The following CMIP variants were observed in gnomAD, a reference collection of about 807,000 sequenced individuals.
CMIP encodes the protein c-Maf inducing protein, also known as C-Maf-inducing protein.
A neutral mutation model predicts 97.3 loss-of-function variants in CMIP; 13 were observed. The ratio of observed to expected loss-of-function variants is 0.13; its 90% CI spans 0.09 to 0.21. The LOEUF is 0.21. CMIP is among the 10% of genes least tolerant of loss of function. The pLI is 1.00. For synonymous variants in CMIP, 538 were observed against 436.3 expected (o/e 1.23, Z -2.91); for missense variants, 847 against 1,024.9 (o/e 0.83, Z 2.37).
chr16:81,651,738 T>C (rs1045736876), intron 3 of CMIP, among the ~76,000 whole-genome samples: 25 of 152,154 alleles, frequency 1.6e-4, no homozygotes, highest in African/African-American at 6.0e-4. Context: ...CCTTTTCTTT[T>C]TGAAGTCATT....
At chr16:81,699,650 C>A in intron 14 of CMIP, 35 bp from the exon 15 acceptor site, 1 of 1,419,108 alleles carries the variant, frequency 7.0e-7, no homozygotes, top group Non-Finnish European at 9.9e-7. Flanking sequence ...CACTGGGTGT[C>A]TCTGTCCCTT....
intron 15 of CMIP, 141 bp from the exon 16 acceptor site, chr16:81,701,519 T>G: frequency 8.8e-7 from 1 of 1,133,700 alleles, no homozygotes. Context: ...GCAGGTGATT[T>G]GCCCAGGCTT....
chr16:81,621,883 G>A lies in CMIP; in HGVS notation c.477+957G>A, dbSNP rs2091997188. On this transcript the variant is annotated intron_variant, in intron 3 of 20. Coordinates refer to ENST00000537098, the MANE Select transcript of CMIP (RefSeq NM_198390.3). This position sits in a 1 kb window ranked among gnomAD's most constrained non-coding sequence, Gnocchi z 4.1. ...GGCAACCCCAGATAATTACTTTCCT[G>A]GTCCCAGAGAGGGCCACTCCCCTCC... 6.6e-6 allele frequency: 1 copy of A among 152,260 alleles called. No homozygotes were observed. Among genetic ancestry groups the A allele is most frequent in the Non-Finnish European group, 1.5e-5 (1 of 68,082 alleles). 9.4% of individuals were successfully genotyped at this position (152,260 alleles called of 1,614,324 possible). A position where few individuals can be genotyped will look rare whatever the true frequency, so the allele number is the denominator to read the frequency against.
intron 1 of CMIP, among the ~76,000 whole-genome samples, chr16:81,579,140 A>G (rs1189589010): frequency 2.0e-5 from 3 of 152,224 alleles, no homozygotes; most frequent in Admixed American, 1.3e-4. Context: ...CTGCAGGGAC[A>G]TGGGGATGGC....
intron 1 of CMIP, among the ~76,000 whole-genome samples, chr16:81,532,515 T>C (rs1236911470): frequency 6.6e-6 from 1 of 152,056 alleles, no homozygotes; most frequent in Non-Finnish European, 1.5e-5. Context: ...GCCCTGAGCC[T>C]CCCCAGGGAC....
At chr16:81,664,460 G>T in intron 7 of CMIP, 111 bp downstream of exon 7, 1 of 1,001,520 alleles carries the variant, frequency 1.0e-6, no homozygotes, top group Non-Finnish European at 1.5e-6. Flanking sequence ...TTGGCCCAGC[G>T]TGACAGCCAG....
chr16:81,606,774 G>T (rs1486967732), intron 1 of CMIP, among the ~76,000 whole-genome samples: 1 of 152,160 alleles, frequency 6.6e-6, no homozygotes, highest in Non-Finnish European at 1.5e-5. Context: ...GTGAGCACCG[G>T]AAAAGGAGGG....
intron 2 of CMIP, among the ~76,000 whole-genome samples, chr16:81,612,171 A>G (rs926631952): frequency 1.3e-5 from 2 of 152,216 alleles, no homozygotes; most frequent in Non-Finnish European, 2.9e-5. Flanking sequence ...GGTAGCAGGC[A>G]TTAAAGAGCA....
Position 81,678,423 on chromosome 16 carries a change from G to T in CMIP, c.1183G>T (p.Val395Leu). 10 of 1,594,432 alleles carry T rather than the reference G, an allele frequency of 6.3e-6. No homozygotes were observed. Among genetic ancestry groups the T allele is most frequent in the Non-Finnish European group, 8.5e-6 (10 of 1,171,380 alleles). ...GCTGTCTGAGGCCCGGCTCAAGTCGGTGGTCGTGGCCTCCAGTGAGATCCA... is the reference window on the plus strand; with the variant it reads ...GCTGTCTGAGGCCCGGCTCAAGTCGTTGGTCGTGGCCTCCAGTGAGATCCA... ...ATLSEARLKSVVVASSEIHVE... is the reference protein window; with the variant it reads ...ATLSEARLKSLVVASSEIHVE... Residue 395 changes from valine to leucine, a missense_variant, in exon 10 of 21, where the codon GTG becomes TTG. Around this residue, in one of 4 missense-constraint regions of CMIP, gnomAD observed 202 missense variants for 168.7 expected, o/e 1.20. Transcript: ENST00000537098.
At chr16:81,582,006 G>A (rs952023939) in intron 1 of CMIP, among the ~76,000 whole-genome samples, 1 of 152,164 alleles carries the variant, frequency 6.6e-6, no homozygotes, top group Non-Finnish European at 1.5e-5. Context: ...CAGGTGGAAG[G>A]CAAAGGAGGA....
chr16:81,553,734 C>T (rs554482252), intron 1 of CMIP, among the ~76,000 whole-genome samples: 2 of 152,258 alleles, frequency 1.3e-5, no homozygotes, highest in Non-Finnish European at 2.9e-5. Context: ...GCCCTCGCCC[C>T]TTGCCAAAAG....
At chr16:81,648,384 G>A (rs1369943843) in intron 3 of CMIP, among the ~76,000 whole-genome samples, 2 of 151,994 alleles carry the variant, frequency 1.3e-5, no homozygotes, top group African/African-American at 2.4e-5. Context: ...CCTCAGCATC[G>A]CGTGAGGGCT....
intron 1 of CMIP, among the ~76,000 whole-genome samples, chr16:81,565,028 G>T: frequency 6.6e-6 from 1 of 152,036 alleles, no homozygotes; most frequent in East Asian, 1.9e-4. Context: ...TGAAGAGGTA[G>T]TGCTCGGGGG....
chr16:81,573,628 G>A (rs1235258550), intron 1 of CMIP, among the ~76,000 whole-genome samples: 2 of 152,084 alleles, frequency 1.3e-5, no homozygotes, highest in African/African-American at 2.4e-5. Context: ...TGGGTTCGGG[G>A]CCCTAGGGTT....
At chr16:81,536,788 A>C (rs1327012578) in intron 1 of CMIP, among the ~76,000 whole-genome samples, 1 of 152,202 alleles carries the variant, frequency 6.6e-6, no homozygotes, top group Non-Finnish European at 1.5e-5. Context: ...TTATAGAAAC[A>C]TACGTGCGTC....
At chr16:81,481,580 C>A (rs1226697349) in intron 1 of CMIP, among the ~76,000 whole-genome samples, 3 of 152,174 alleles carry the variant, frequency 2.0e-5, no homozygotes, top group Non-Finnish European at 4.4e-5. Flanking sequence ...GGTGCTGTTT[C>A]AACTGAGGTC....
intron 1 of CMIP, among the ~76,000 whole-genome samples, chr16:81,600,210 A>C (rs2091634366): frequency 7.4e-6 from 1 of 136,034 alleles, no homozygotes; most frequent in Non-Finnish European, 1.5e-5. Flanking sequence ...CGGGAGGCGG[A>C]GGTTGCAGTG....
chr16:81,475,813 G>A (rs780092965), intron 1 of CMIP, among the ~76,000 whole-genome samples: 3 of 152,028 alleles, frequency 2.0e-5, no homozygotes, highest in Non-Finnish European at 2.9e-5. Context: ...GTGAAATCCT[G>A]TCTCTACTAA....
At chr16:81,586,599 C>A (rs568373123) in intron 1 of CMIP, among the ~76,000 whole-genome samples, 11 of 152,052 alleles carry the variant, frequency 7.2e-5, no homozygotes, top group African/African-American at 2.7e-4. Context: ...GAGATTTAAT[C>A]AGTTTTTATG....
Sources: gnomAD v4.1 joint callset for allele counts (sites outside exome capture counted in the v4.1 genomes callset) on GRCh38, gnomAD v4.1.1 for gene constraint, gnomAD v4.1.1 regional missense constraint, Gnocchi (gnomAD v3.1) non-coding constraint, MANE v1.5 for transcripts, NCBI Gene and HGNC (gene_info 2026-07-23, HGNC 2026-07-21) for gene names.